The following ZDHHC17 variants were observed in gnomAD, a reference collection of about 807,000 sequenced individuals.
ZDHHC17 encodes zDHHC palmitoyltransferase 17, also known as palmitoyltransferase ZDHHC17.
A neutral mutation model predicts 90.3 loss-of-function variants in ZDHHC17; 40 were observed. The observed-to-expected ratio is 0.44, with a 90% CI of 0.34 to 0.58. The LOEUF (loss-of-function observed/expected upper bound fraction) is 0.58. ZDHHC17 is among the 20% of genes least tolerant of loss of function. ZDHHC17 has a pLI of 0.01. For missense variants in ZDHHC17, 614 were observed against 780.8 expected, an observed-to-expected ratio of 0.79 and a Z score of 2.55; for synonymous variants, 235 against 252.4, an observed-to-expected ratio of 0.93 and a Z score of 0.65.
chr12:76,776,253 C>G (rs1401435515), intron 1 of ZDHHC17, among the ~76,000 whole-genome samples: 1 of 152,014 alleles, frequency 6.6e-6, no homozygotes, highest in Non-Finnish European at 1.5e-5. Flanking sequence ...TTAAAGGTAT[C>G]AGAAATTTAA....
intron 7 of ZDHHC17, among the ~76,000 whole-genome samples, chr12:76,819,837 T>C (rs931805956): frequency 5.3e-4 from 81 of 151,716 alleles, no homozygotes; most frequent in African/African-American, 1.8e-3. Context: ...CTACTAAAAA[T>C]ACAAAATTAG....
intron 1 of ZDHHC17, among the ~76,000 whole-genome samples, chr12:76,783,989 T>G (rs949812554): frequency 6.6e-6 from 1 of 152,362 alleles, no homozygotes; most frequent in African/African-American, 2.4e-5. Context: ...GTGGCCCTAC[T>G]GACATTTTGA....
intron 2 of ZDHHC17, 131 bp downstream of exon 2, chr12:76,797,668 T>G: frequency 1.7e-6 from 1 of 604,650 alleles, no homozygotes; most frequent in Non-Finnish European, 2.5e-6. Flanking sequence ...ATGGGCCGGT[T>G]GCGGTGGCTC....
intron 10 of ZDHHC17, among the ~76,000 whole-genome samples, chr12:76,835,693 T>C (rs539397915): frequency 1.3e-5 from 2 of 152,026 alleles, no homozygotes; most frequent in Non-Finnish European, 2.9e-5. Context: ...CTGAATTTTG[T>C]TTTTCTTTCT....
intron 1 of ZDHHC17, among the ~76,000 whole-genome samples, chr12:76,778,324 A>G (rs568498415): frequency 1.3e-5 from 2 of 151,980 alleles, no homozygotes; most frequent in South Asian, 2.1e-4. Flanking sequence ...CGATTCTTCT[A>G]CTCTCCTGCC....
At chr12:76,820,752 AC>A (rs1953154310) in intron 7 of ZDHHC17, among the ~76,000 whole-genome samples, 1 of 152,116 alleles carries the variant, frequency 6.6e-6, no homozygotes, top group African/African-American at 2.4e-5. Flanking sequence ...GAGTGATCTT[AC>A]CCCCAACCAT....
Position 76,809,615 on chromosome 12 carries a change from G to A in ZDHHC17, c.399-98G>A, listed in dbSNP as rs550737160. ...TAAAATAACTTTTCAAAATACATAC[G>A]TAATCTTCCCACCATACCTTACTTG... On this transcript the variant is annotated intron_variant, in intron 4 of 16. Transcript: ENST00000426126. 162 of 981,374 alleles carry A rather than the reference G, an allele frequency of 1.7e-4. No individual in the cohort carries two copies. The African/African-American group carries it at 2.5e-3, about 15-fold the overall frequency. The allele number at this position is 981,374 out of a possible 1,614,324, so 60.8% of individuals were successfully genotyped here. A position where few individuals can be genotyped will look rare whatever the true frequency, so the allele number is the denominator to read the frequency against.
At chr12:76,809,355 A>T (rs1483681765) in intron 4 of ZDHHC17, among the ~76,000 whole-genome samples, 1 of 95,636 alleles carries the variant, frequency 1.0e-5, no homozygotes, top group Non-Finnish European at 2.3e-5. Context: ...GATTGGATTA[A>T]ACTTTGGATT....
rs1952978115 is a variant in ZDHHC17, at chr12:76,808,308, C to T, written c.321-735C>T. Among the ~76,000 whole-genome samples the T allele has an allele frequency of 2.0e-5, 3 of 152,258 alleles. No individual in the cohort carries two copies. In the South Asian group the frequency reaches 6.2e-4, roughly 32 times the overall value. ...CCAAAGAAAGCATTATAATGAACAGCTAGATCTTGTTCACTTCAGAAGCTA... is the reference window on the plus strand; with the variant it reads ...CCAAAGAAAGCATTATAATGAACAGTTAGATCTTGTTCACTTCAGAAGCTA... On this transcript the variant is annotated intron_variant, in intron 3 of 16. Transcript: ENST00000426126.
chr12:76,772,799 C>A lies in ZDHHC17; in HGVS notation c.93+8470C>A, dbSNP rs572412904. Among the ~76,000 whole-genome samples, 3 of 151,928 alleles carry A rather than the reference C, an allele frequency of 2.0e-5. No individual in the cohort carries two copies. In the East Asian group the frequency reaches 5.8e-4, roughly 30 times the overall value. ...TGACCTCGTGATCCACCCGCCTCGGCCTCCCAAAGTGCTGGGATTACAGGC... is the reference window on the plus strand; with the variant it reads ...TGACCTCGTGATCCACCCGCCTCGGACTCCCAAAGTGCTGGGATTACAGGC... On this transcript the variant is annotated intron_variant, in intron 1 of 16. Coordinates refer to ENST00000426126, the MANE Select transcript of ZDHHC17 (RefSeq NM_015336.4).
intron 1 of ZDHHC17, among the ~76,000 whole-genome samples, chr12:76,764,994 A>G (rs1015710672): frequency 2.0e-5 from 3 of 152,212 alleles, no homozygotes; most frequent in Admixed American, 6.5e-5. Flanking sequence ...TCCCATCACA[A>G]CATGAGTGTC....
At chr12:76,803,430 A>G (rs574101317) in intron 2 of ZDHHC17, among the ~76,000 whole-genome samples, 1 of 152,274 alleles carries the variant, frequency 6.6e-6, no homozygotes, top group South Asian at 2.1e-4. Context: ...GGCAAGGGGC[A>G]GAGTTCAGTA....
chr12:76,767,034 A>AG (rs1443171735), intron 1 of ZDHHC17, among the ~76,000 whole-genome samples: 1 of 150,646 alleles, frequency 6.6e-6, no homozygotes, highest in Non-Finnish European at 1.5e-5. Flanking sequence ...AAAAAAAAAA[A>AG]GAAAAGAAAA....
intron 1 of ZDHHC17, chr12:76,764,941 G>A (rs912550995): frequency 5.5e-5 from 24 of 438,938 alleles, no homozygotes; most frequent in African/African-American, 4.3e-4. Context: ...GCTTGTCAAA[G>A]TACCGTTTTT....
At chr12:76,794,165 G>A (rs1202761208) in intron 1 of ZDHHC17, among the ~76,000 whole-genome samples, 2 of 152,046 alleles carry the variant, frequency 1.3e-5, no homozygotes, top group Non-Finnish European at 2.9e-5. Flanking sequence ...GATTACAGGC[G>A]TGAGCCACTG....
At chr12:76,822,334 A>C in intron 7 of ZDHHC17, 72 bp from the exon 8 acceptor site, 1 of 1,552,690 alleles carries the variant, frequency 6.4e-7, no homozygotes, top group South Asian at 1.2e-5. Flanking sequence ...TTTTTATAGA[A>C]GTTCTTTAAA....
At chr12:76,789,992 A>C (rs1049933793) in intron 1 of ZDHHC17, among the ~76,000 whole-genome samples, 1 of 152,192 alleles carries the variant, frequency 6.6e-6, no homozygotes, top group Admixed American at 6.5e-5. Context: ...AACTCTGCAC[A>C]AAGTATGGGC....
intron 8 of ZDHHC17, 98 bp downstream of exon 8, chr12:76,822,629 A>G: frequency 1.1e-6 from 1 of 922,488 alleles, no homozygotes; most frequent in Non-Finnish European, 1.6e-6. Flanking sequence ...ATTTTGGCTC[A>G]CTGCAATCCC....
chr12:76,844,749 C>T (rs1953473944), intron 12 of ZDHHC17: 1 of 152,062 alleles, frequency 6.6e-6, no homozygotes, highest in Non-Finnish European at 1.5e-5. Flanking sequence ...TCCTTGGTAC[C>T]TCAAAATAGT....
Sources: gnomAD v4.1 joint callset for allele counts (sites outside exome capture counted in the v4.1 genomes callset) on GRCh38, gnomAD v4.1.1 for gene constraint, MANE v1.5 for transcripts, NCBI Gene and HGNC (gene_info 2026-07-23, HGNC 2026-07-21) for gene names.